KMT2C: variants seen among roughly 807,000 people sequenced by gnomAD.
The protein encoded by KMT2C is lysine methyltransferase 2C, also known as histone-lysine N-methyltransferase 2C.
A neutral mutation model predicts 507.9 loss-of-function variants in KMT2C; 88 were observed. That is an observed-to-expected ratio of 0.17 (90% confidence interval 0.15 to 0.21). The LOEUF is 0.21. Ranked by LOEUF, KMT2C falls within the 10% of genes least tolerant of loss-of-function variation. KMT2C has a pLI of 1.00. For missense variants in KMT2C, 4,954 were observed against 5,957.8 expected (o/e 0.83, Z 5.55); for synonymous variants, 2,049 against 2,080.8 (o/e 0.98, Z 0.42).
intron 2 of KMT2C, among the ~76,000 whole-genome samples, chr7:152,344,056 C>A (rs2097027278): frequency 6.6e-6 from 1 of 152,088 alleles, no homozygotes; most frequent in African/African-American, 2.4e-5. Flanking sequence ...ATAATATCTG[C>A]AACAATGTAT....
At chr7:152,163,868 T>C (rs369557900) in intron 42 of KMT2C, 42 bp from the exon 43 acceptor site, 48 of 1,572,668 alleles carry the variant, frequency 3.1e-5, no homozygotes, top group African/African-American at 8.1e-5. Context: ...CTATACAGCA[T>C]AGGTACTGAA....
At chr7:152,301,444 G>C (rs901339713) in intron 6 of KMT2C, among the ~76,000 whole-genome samples, 2 of 152,112 alleles carry the variant, frequency 1.3e-5, no homozygotes, top group African/African-American at 4.8e-5. Context: ...GGGAGGCAGA[G>C]GTTGCAGTGA....
chr7:152,167,215 T>C lies in KMT2C; in HGVS notation c.9681A>G (p.Pro3227=). The change falls in exon 42 of 59, where the codon CCA becomes CCG. Residue 3227 remains proline, a synonymous_variant. Coordinates refer to ENST00000262189, the MANE Select transcript of KMT2C (RefSeq NM_170606.3). ...GCTTGAGTTGTTCTGCATCTTCCTC[T>C]GGAAATTCACGCCCAGCTTTCTTGG... ...RTAKKAGREF[P]EEDAEQLKHV... is the part of the protein sequence containing the mutation. 2 of 1,614,204 alleles carry C rather than the reference T, an allele frequency of 1.2e-6. No individual in the cohort carries two copies. The highest frequency in any genetic ancestry group is 4.5e-5 in the East Asian group (2 of 44,878).
intron 56 of KMT2C, 21 bp downstream of exon 56, chr7:152,139,654 T>C (rs770515147): frequency 6.7e-6 from 10 of 1,497,722 alleles, no homozygotes; most frequent in Non-Finnish European, 9.3e-6. Flanking sequence ...GTGTATACAA[T>C]CTCGGGGACC....
chr7:152,368,047 A>G, intron 1 of KMT2C: 1 of 856,038 alleles, frequency 1.2e-6, no homozygotes, highest in South Asian at 1.4e-5. Flanking sequence ...GATGAAGAAG[A>G]AAATAAACTT....
rs757625566 is a variant in KMT2C, at chr7:152,177,843, A to T, written c.7610T>A (p.Leu2537His). 6.2e-7 allele frequency: 1 copy of T among 1,613,708 alleles called. No homozygotes were observed. The highest frequency in any genetic ancestry group is 8.5e-7 in the Non-Finnish European group (1 of 1,179,940). The change falls in exon 38 of 59, where the codon CTT becomes CAT. Residue 2537 changes from leucine to histidine, a missense_variant. By Grantham distance (99) the Leu-to-His change is moderately conservative. Transcript: ENST00000262189. ...GCTCTGTGGTGAAAAATGCTGAGGAAGTCCAACTGGATTATTCATTTGTGA... is the reference window on the plus strand; with the variant it reads ...GCTCTGTGGTGAAAAATGCTGAGGATGTCCAACTGGATTATTCATTTGTGA... ...NNSQMNNPVG[L>H]PQHFSPQSLP...
In KMT2C at chr7:152,180,142, C is replaced by T. The variant is rs1352427116; in HGVS notation, c.7150-16G>A. 1.9e-6 allele frequency: 3 copies of T among 1,611,408 alleles called. No individual in the cohort carries two copies. Among genetic ancestry groups the T allele is most frequent in the South Asian group, 1.1e-5 (1 of 90,562 alleles). Reference sequence around the variant, plus strand: ...ACTTCTGCCGCTAAATGGGAAGAAACAAAAATCACTGGGATTTGTGGTAAT... The same window carrying T: ...ACTTCTGCCGCTAAATGGGAAGAAATAAAAATCACTGGGATTTGTGGTAAT... On this transcript the variant is annotated splice_polypyrimidine_tract_variant and intron_variant, in intron 36 of 58. Transcript: ENST00000262189.
At chr7:152,254,495 G>A (rs1196889690) in intron 9 of KMT2C, among the ~76,000 whole-genome samples, 1 of 152,040 alleles carries the variant, frequency 6.6e-6, no homozygotes. Context: ...CAATGCAACA[G>A]ATGATTAAAG....
chr7:152,226,175 C>T (rs1211002664), intron 18 of KMT2C, among the ~76,000 whole-genome samples: 4 of 147,128 alleles, frequency 2.7e-5, no homozygotes, highest in Non-Finnish European at 4.4e-5. Flanking sequence ...CTGCCTCAGA[C>T]GTGGAGGTAG....
intron 7 of KMT2C, among the ~76,000 whole-genome samples, chr7:152,266,688 G>T (rs373647604): frequency 0.01 from 1,346 of 129,040 alleles, no homozygotes; most frequent in African/African-American, 0.022. Context: ...TCCTGAAAAG[G>T]GCCAGATAGT....
intron 6 of KMT2C, among the ~76,000 whole-genome samples, chr7:152,292,574 AT>A (rs892821942): frequency 5.9e-5 from 9 of 152,012 alleles, no homozygotes; most frequent in African/African-American, 2.2e-4. Flanking sequence ...TCCCTTTTAA[AT>A]TTTTTTCAGA....
Position 152,324,508 on chromosome 7 carries a change from A to G in KMT2C, c.389+6093T>C, listed in dbSNP as rs909108441. 4.6e-5 allele frequency among the ~76,000 whole-genome samples: 7 copies of G among 151,978 alleles called. No homozygotes were observed. The East Asian group carries it at 5.8e-4, about 13-fold the overall frequency. Reference sequence around the variant, plus strand: ...TCATGAATCATTTTAGATAAAATGTATATGTTCTGAGAAAAATATAACATG... The same window carrying G: ...TCATGAATCATTTTAGATAAAATGTGTATGTTCTGAGAAAAATATAACATG... On this transcript the variant is annotated intron_variant, in intron 3 of 58. Transcript: ENST00000262189.
At chr7:152,424,189 C>G (rs781288127) in intron 1 of KMT2C, among the ~76,000 whole-genome samples, 12 of 152,074 alleles carry the variant, frequency 7.9e-5, no homozygotes, top group Non-Finnish European at 1.5e-4. Context: ...TCATAGCTCA[C>G]TGCAGCCTCC....
rs79024186 is a variant in KMT2C at position 152,417,423 on chromosome 7, C to T, written c.161+18203G>A. 9.3e-3 allele frequency among the ~76,000 whole-genome samples: 1,421 copies of T among 152,172 alleles called. 32 individuals are homozygous for T. Among genetic ancestry groups the T allele is most frequent in the African/African-American group, 0.033 (1,360 of 41,530 alleles). On this transcript the variant is annotated intron_variant, in intron 1 of 58. Transcript: ENST00000262189. Reference sequence around the variant, plus strand: ...ATGAGCCACTGCACCTGGCCTCTAGCGGCTTTCTTAACACATATACCCTCT... The same window carrying T: ...ATGAGCCACTGCACCTGGCCTCTAGTGGCTTTCTTAACACATATACCCTCT...
In KMT2C at chr7:152,252,563, A is replaced by G. The variant is rs1344154085; in HGVS notation, c.1452T>C (p.His484=). Residue 484 remains histidine, a synonymous_variant, in exon 10 of 59, where the codon CAT becomes CAC. Coordinates refer to ENST00000262189, the MANE Select transcript of KMT2C (RefSeq NM_170606.3). ...CTTCTTACCTTTTGCACATATTACA[A>G]TGAAGCATGTCTTTCTGCAATTCTG... ...YHPELQKDML[H]CNMCKRWVHL... The G allele has an allele frequency of 1.2e-6, 2 of 1,612,868 alleles. No homozygotes were observed. Among genetic ancestry groups the G allele is most frequent in the African/African-American group, 2.7e-5 (2 of 74,910 alleles).
At chr7:152,307,900 A>G (rs937439792) in intron 6 of KMT2C, among the ~76,000 whole-genome samples, 1 of 152,196 alleles carries the variant, frequency 6.6e-6, no homozygotes, top group Admixed American at 6.5e-5. Context: ...ATCCACCACC[A>G]AAAAGCTCAT....
At chr7:152,300,800 T>C (rs1230360837) in intron 6 of KMT2C, among the ~76,000 whole-genome samples, 3 of 151,754 alleles carry the variant, frequency 2.0e-5, no homozygotes, top group Non-Finnish European at 4.4e-5. Context: ...TGGCTCACGC[T>C]TGTAATGCCA....
chr7:152,427,189 T>C (rs1010700918), intron 1 of KMT2C, among the ~76,000 whole-genome samples: 8 of 152,038 alleles, frequency 5.3e-5, no homozygotes, highest in Non-Finnish European at 1.2e-4. Flanking sequence ...CTAATTTTTG[T>C]AGTTTTAGTA....
At chr7:152,147,765 T>C (rs964651411) in intron 52 of KMT2C, among the ~76,000 whole-genome samples, 2 of 143,012 alleles carry the variant, frequency 1.4e-5, no homozygotes, top group Non-Finnish European at 3.0e-5. Flanking sequence ...CCAATGCAAA[T>C]GACAGGCAAC....
Sources: gnomAD v4.1 joint callset for allele counts (sites outside exome capture counted in the v4.1 genomes callset) on GRCh38, gnomAD v4.1.1 for gene constraint, MANE v1.5 for transcripts, NCBI Gene and HGNC (gene_info 2026-07-23, HGNC 2026-07-21) for gene names.